SHCBP1: variants seen among roughly 807,000 people sequenced by gnomAD.
The protein encoded by SHCBP1 is SHC binding and spindle associated 1, also known as SHC SH2 domain-binding protein 1.
In SHCBP1, 60 loss-of-function variants were observed where a neutral mutation model predicts 75.1. The observed-to-expected ratio is 0.80, with a 90% CI of 0.65 to 0.99. The LOEUF is 0.99. Among genes scored for constraint, SHCBP1 ranks in the 50% least tolerant of loss-of-function variants. The probability of loss-of-function intolerance (pLI) is 0.00; values close to 1 mark genes in which losing one functional copy is unlikely to be tolerated. For synonymous variants in SHCBP1, 290 were observed against 293.2 expected (o/e 0.99, Z 0.11); for missense variants, 709 against 809.4 (o/e 0.88, Z 1.50).
intron 5 of SHCBP1, among the ~76,000 whole-genome samples, chr16:46,605,214 T>G (rs1294727040): frequency 6.6e-6 from 1 of 152,146 alleles, no homozygotes. Context: ...AAAAACAGAA[T>G]ACAGAGTATT....
chr16:46,581,278 T>G lies in SHCBP1; in HGVS notation c.*451A>C, dbSNP rs1003064544. 1.3e-5 allele frequency: 2 copies of G among 155,606 alleles called. No homozygotes were observed. The highest frequency in any genetic ancestry group is 6.4e-5 in the Admixed American group (1 of 15,594). 9.6% of individuals were successfully genotyped at this position (155,606 alleles called of 1,614,324 possible). On this transcript the variant is annotated 3_prime_UTR_variant, in exon 13 of 13. Coordinates refer to ENST00000303383, the MANE Select transcript of SHCBP1 (RefSeq NM_024745.5). ...ATAAAAGCTTTTATTTTAAGACAAGTATTATGCAAATACAGGATGGAAATC... is the reference window on the plus strand; with the variant it reads ...ATAAAAGCTTTTATTTTAAGACAAGGATTATGCAAATACAGGATGGAAATC...
intron 7 of SHCBP1, 136 bp downstream of exon 7, chr16:46,603,838 AG>A: frequency 1.6e-6 from 2 of 1,286,568 alleles, no homozygotes; most frequent in Non-Finnish European, 2.1e-6. Flanking sequence ...TGCTGATGAA[AG>A]GCAGGGCTCT....
intron 12 of SHCBP1, among the ~76,000 whole-genome samples, chr16:46,582,739 C>T (rs1369935): frequency 0.96 from 146,454 of 152,312 alleles, 70,654 homozygotes; most frequent in East Asian, 1. Context: ...ATGAGTCCTG[C>T]CCAGCTGACA....
Position 46,582,063 on chromosome 16 carries a change from A to G in SHCBP1, c.1694-9T>C. ...TTTAAGCGCTTTATTTTCTGGAGAA[A>G]CAAACAAATAATAACAAAGTTAAAT... On this transcript the variant is annotated splice_polypyrimidine_tract_variant and intron_variant, in intron 12 of 12. Coordinates refer to ENST00000303383, the MANE Select transcript of SHCBP1 (RefSeq NM_024745.5). 6.3e-7 allele frequency: 1 copy of G among 1,586,480 alleles called. No homozygotes were observed. The highest frequency in any genetic ancestry group is 1.2e-5 in the South Asian group (1 of 86,710).
chr16:46,585,548 A>C (rs1389544999), intron 10 of SHCBP1, among the ~76,000 whole-genome samples: 3 of 152,212 alleles, frequency 2.0e-5, no homozygotes, highest in African/African-American at 7.2e-5. Flanking sequence ...TAACGAAAGG[A>C]CTAGGCAACC....
Position 46,603,756 on chromosome 16 carries a change from A to G in SHCBP1, c.1093-97T>C, listed in dbSNP as rs550574437. The G allele has an allele frequency of 6.6e-6, 10 of 1,505,154 alleles. No homozygotes were observed. The South Asian group carries it at 1.2e-4, about 19-fold the overall frequency. 93.2% of individuals were successfully genotyped at this position (1,505,154 alleles called of 1,614,324 possible). ...CTTCATGTCTTACTTTGAAAATGGA[A>G]GCCAAAAACTGCATATTGAAGCATC... On this transcript the variant is annotated intron_variant, in intron 7 of 12. Transcript: ENST00000303383.
rs1964846967 is a variant in SHCBP1 at position 46,580,038 on chromosome 16, T to C, written c.*1691A>G. Among the ~76,000 whole-genome samples, 1 of 151,546 alleles carries C rather than the reference T, an allele frequency of 6.6e-6. No homozygotes were observed. The highest frequency in any genetic ancestry group is 1.5e-5 in the Non-Finnish European group (1 of 67,926). ...TACTCAGGCGACTGAGGCAGGAGAA[T>C]TGCTTGAATTCAGGAGGTGGAGGTT... On this transcript the variant is annotated 3_prime_UTR_variant, in exon 13 of 13. Coordinates refer to ENST00000303383, the MANE Select transcript of SHCBP1 (RefSeq NM_024745.5).
rs1567447399 is a variant in SHCBP1, at chr16:46,599,812, CA to C, written c.1345+18del. On this transcript the variant is annotated intron_variant, in intron 9 of 12. Transcript: ENST00000303383. ...TCAAATCTTAGAACAAATGATATAC[CA>C]AACATTCAGATACTTACTTAAGATT... The C allele has an allele frequency of 6.3e-7, 1 of 1,578,330 alleles. No homozygotes were observed. Among genetic ancestry groups the C allele is most frequent in the East Asian group, 2.3e-5 (1 of 43,728 alleles).
rs1276404712 is a variant in SHCBP1, at chr16:46,594,223, T to C, written c.1464+1329A>G. 4.6e-5 allele frequency among the ~76,000 whole-genome samples: 7 copies of C among 152,044 alleles called. No homozygotes were observed. The East Asian group carries it at 1.3e-3, about 29-fold the overall frequency. ...TTCTTATCACCAAAACCTCAACTCA[T>C]AAAAGGAAAAACTGATACAGTGGAC... On this transcript the variant is annotated intron_variant, in intron 10 of 12. Coordinates refer to ENST00000303383, the MANE Select transcript of SHCBP1 (RefSeq NM_024745.5).
Position 46,580,678 on chromosome 16 carries a change from T to A in SHCBP1, c.*1051A>T, listed in dbSNP as rs937088199. 2 of 152,182 alleles carry A rather than the reference T, an allele frequency of 1.3e-5. No homozygotes were observed. The highest frequency in any genetic ancestry group is 4.8e-5 in the African/African-American group (2 of 41,444). The allele number at this position is 152,182 out of a possible 1,614,324, so 9.4% of individuals were successfully genotyped here. A position where few individuals can be genotyped will look rare whatever the true frequency, so the allele number is the denominator to read the frequency against. ...AACAAGAACACCCAGCAGATACAGG[T>A]TGTACAGTTAATCATTTTGACTGTG... On this transcript the variant is annotated 3_prime_UTR_variant, in exon 13 of 13. Transcript: ENST00000303383.
rs1011352971 is a variant in SHCBP1, at chr16:46,579,751, A to G, written c.*1978T>C. ...GGAGTTTGAGACCAGCCTGGCCAACATGGTTAAACCCTGTCTCTACTAAAA... is the reference window on the plus strand; with the variant it reads ...GGAGTTTGAGACCAGCCTGGCCAACGTGGTTAAACCCTGTCTCTACTAAAA... On this transcript the variant is annotated 3_prime_UTR_variant, in exon 13 of 13. Coordinates refer to ENST00000303383, the MANE Select transcript of SHCBP1 (RefSeq NM_024745.5). Among the ~76,000 whole-genome samples, 7 of 152,238 alleles carry G rather than the reference A, an allele frequency of 4.6e-5. No homozygotes were observed. Among genetic ancestry groups the G allele is most frequent in the African/African-American group, 1.7e-4 (7 of 41,550 alleles).
chr16:46,616,262 G>C lies in SHCBP1; in HGVS notation c.388-108C>G. The C allele has an allele frequency of 9.2e-7, 1 of 1,090,802 alleles. No homozygotes were observed. The highest frequency in any genetic ancestry group is 1.3e-6 in the Non-Finnish European group (1 of 747,848). 67.6% of individuals were successfully genotyped at this position (1,090,802 alleles called of 1,614,324 possible). On this transcript the variant is annotated intron_variant, in intron 3 of 12. Coordinates refer to ENST00000303383, the MANE Select transcript of SHCBP1 (RefSeq NM_024745.5). The surrounding 1 kb of genome is among the most constrained non-coding windows in gnomAD (Gnocchi z 4.4). ...TTTAAAAGCATACAACATGGGTGGG[G>C]AGGCTTTACCCATAATATAAAGGAT... is the stretch of plus-strand genomic sequence containing the variant.
At chr16:46,599,312 T>C (rs1596678417) in intron 9 of SHCBP1, among the ~76,000 whole-genome samples, 1 of 152,170 alleles carries the variant, frequency 6.6e-6, no homozygotes, top group Admixed American at 6.5e-5. Context: ...ACTCTTCCTT[T>C]CACTTGAACA....
chr16:46,591,363 A>G (rs1006866472), intron 10 of SHCBP1, among the ~76,000 whole-genome samples: 3 of 152,164 alleles, frequency 2.0e-5, no homozygotes, highest in African/African-American at 7.2e-5. Context: ...TAATCAAAGG[A>G]AAGCAGGTGT....
Position 46,581,621 on chromosome 16 carries a change from T to C in SHCBP1, c.*108A>G, listed in dbSNP as rs903171593. The C allele has an allele frequency of 4.8e-6, 5 of 1,036,262 alleles. No individual in the cohort carries two copies. The highest frequency in any genetic ancestry group is 2.1e-4 in the Middle Eastern group (1 of 4,718). The allele number at this position is 1,036,262 out of a possible 1,614,324, so 64.2% of individuals were successfully genotyped here. ...AATCTACCTTTCACTCAAGCCCAAATAATCAAATATAAAATACAGACAATA... is the reference window on the plus strand; with the variant it reads ...AATCTACCTTTCACTCAAGCCCAAACAATCAAATATAAAATACAGACAATA... On this transcript the variant is annotated 3_prime_UTR_variant, in exon 13 of 13. Coordinates refer to ENST00000303383, the MANE Select transcript of SHCBP1 (RefSeq NM_024745.5).
chr16:46,605,832 G>T (rs1283287837), intron 5 of SHCBP1, among the ~76,000 whole-genome samples: 1 of 151,828 alleles, frequency 6.6e-6, no homozygotes, highest in Admixed American at 6.6e-5. Context: ...ATCAGACTAT[G>T]AACACTTAAA....
chr16:46,593,951 G>C (rs1407081741), intron 10 of SHCBP1, among the ~76,000 whole-genome samples: 1 of 151,792 alleles, frequency 6.6e-6, no homozygotes, highest in Non-Finnish European at 1.5e-5. Context: ...AAACAATTTT[G>C]AAAAAAACAA....
chr16:46,595,670 A>G lies in SHCBP1; in HGVS notation c.1346T>C (p.Ile449Thr), dbSNP rs1450877803. Residue 449 changes from isoleucine to threonine, a missense_variant and splice_region_variant, in exon 10 of 13, where the codon ATT becomes ACT. Ile to Thr is a moderately conservative substitution (Grantham distance 89, BLOSUM62 -1). Transcript: ENST00000303383. Reference sequence around the variant, plus strand: ...CAGCGTAGTCTTACCACGGTGAACAACTGGGATGAAAATACACGCTGACTG... The same window carrying G: ...CAGCGTAGTCTTACCACGGTGAACAGCTGGGATGAAAATACACGCTGACTG... ...VQHDAVEGIL[I>T]VHRGKTTLEN... The G allele has an allele frequency of 6.2e-7, 1 of 1,611,052 alleles. No individual in the cohort carries two copies. The highest frequency in any genetic ancestry group is 1.3e-5 in the African/African-American group (1 of 74,872).
intron 8 of SHCBP1, among the ~76,000 whole-genome samples, chr16:46,601,601 G>A (rs773453096): frequency 4.6e-5 from 7 of 152,180 alleles, no homozygotes; most frequent in Non-Finnish European, 1.0e-4. Flanking sequence ...CCTAGAGAAT[G>A]CAAGGGGACT....
Sources: allele counts gnomAD v4.1 joint callset (sites outside exome capture counted in the v4.1 genomes callset), GRCh38; gene constraint gnomAD v4.1.1; non-coding constraint Gnocchi (gnomAD v3.1); transcripts MANE v1.5; gene names NCBI Gene and HGNC (gene_info 2026-07-23, HGNC 2026-07-21).